Variants in USP33 observed in about 807,000 individuals in gnomAD.
The protein encoded by USP33 is ubiquitin specific peptidase 33.
USP33 carries 46 observed loss-of-function variants against 124.2 expected under a neutral mutation model. The ratio of observed to expected loss-of-function variants is 0.37; its 90% CI spans 0.29 to 0.47. The LOEUF is 0.47. Among genes scored for constraint, USP33 ranks in the 20% least tolerant of loss-of-function variants. The pLI, the probability that USP33 is intolerant of heterozygous loss-of-function variation, is 0.99. For missense variants in USP33, 851 were observed against 1,070.6 expected (o/e 0.79, Z 2.86); for synonymous variants, 350 against 352.3 (o/e 0.99, Z 0.07).
Position 77,723,338 on chromosome 1 carries a change from C to T in USP33, c.1382G>A (p.Cys461Tyr). ...TIISSVQCLT[C>Y]DRVSVTLETF... ...TAATACCCTCATACTCACCCTGTCA[C>T]AAGTCAGACACTGCACTGAACTAAT... The change falls in exon 12 of 24, where the codon TGT becomes TAT. Residue 461 changes from cysteine to tyrosine, a missense_variant. Cys to Tyr is a radical substitution (Grantham distance 194, BLOSUM62 -2). Transcript: ENST00000370794. 6.2e-7 allele frequency: 1 copy of T among 1,606,354 alleles called. No homozygotes were observed.
chr1:77,739,529 T>C (rs1234267244), intron 4 of USP33, 112 bp from the exon 5 acceptor site: 13 of 1,006,796 alleles, frequency 1.3e-5, no homozygotes, highest in South Asian at 2.4e-5. Context: ...AGTAACAATA[T>C]ACTCAAAAGC....
intron 21 of USP33, among the ~76,000 whole-genome samples, chr1:77,707,460 T>G (rs965095521): frequency 1.3e-5 from 2 of 152,188 alleles, no homozygotes; most frequent in African/African-American, 4.8e-5. Flanking sequence ...CTGAGGATGA[T>G]CTCATCTCAA....
intron 14 of USP33, 101 bp downstream of exon 14, chr1:77,721,729 CT>C (rs1676581289): frequency 9.8e-7 from 1 of 1,017,942 alleles, no homozygotes; most frequent in African/African-American, 1.6e-5. Flanking sequence ...TACTATTAAG[CT>C]GTCTTAAAAC....
intron 11 of USP33, among the ~76,000 whole-genome samples, 170 bp from the exon 12 acceptor site, chr1:77,723,613 TAA>T (rs576922550): frequency 6.6e-6 from 1 of 152,164 alleles, no homozygotes; most frequent in Non-Finnish European, 1.5e-5. Flanking sequence ...GCATAAGTAT[TAA>T]AAAAATAAAA....
chr1:77,726,043 G>A (rs1421632231), intron 10 of USP33, among the ~76,000 whole-genome samples: 10 of 152,098 alleles, frequency 6.6e-5, no homozygotes, highest in East Asian at 1.9e-4. Flanking sequence ...TCCGCATCCT[G>A]GATTCAAGCG....
intron 21 of USP33, chr1:77,711,462 G>C (rs1675241468): frequency 4.4e-6 from 1 of 229,878 alleles, no homozygotes; most frequent in Non-Finnish European, 8.2e-6. Context: ...AGGAGGCAGA[G>C]GTTGCTGTGA....
intron 1 of USP33, among the ~76,000 whole-genome samples, chr1:77,758,976 A>G (rs1681064839): frequency 6.6e-6 from 1 of 152,192 alleles, no homozygotes; most frequent in Non-Finnish European, 1.5e-5. Flanking sequence ...ATCGTCCAAG[A>G]GCTCAACGTA....
At chr1:77,716,010 G>T in intron 17 of USP33, 142 bp from the exon 18 acceptor site, 2 of 850,704 alleles carry the variant, frequency 2.4e-6, no homozygotes, top group Non-Finnish European at 3.4e-6. Flanking sequence ...CAGTTTGCAC[G>T]CTTGCCACCA....
chr1:77,734,469 A>G, intron 6 of USP33, 53 bp from the exon 7 acceptor site: 2 of 1,106,872 alleles, frequency 1.8e-6, no homozygotes, highest in South Asian at 1.4e-5. Flanking sequence ...AAAATGACTC[A>G]ATTTTAGGGG....
chr1:77,724,844 T>A (rs1676979090), intron 11 of USP33, among the ~76,000 whole-genome samples: 1 of 151,980 alleles, frequency 6.6e-6, no homozygotes, highest in South Asian at 2.1e-4. Flanking sequence ...GATCACAAGG[T>A]CAGGAGTTCG....
intron 1 of USP33, among the ~76,000 whole-genome samples, chr1:77,757,359 C>T (rs180888331): frequency 9.3e-4 from 142 of 152,336 alleles, no homozygotes; most frequent in African/African-American, 3.2e-3. Flanking sequence ...ACTTAACCTT[C>T]TGAACATTTG....
intron 7 of USP33, among the ~76,000 whole-genome samples, chr1:77,731,914 G>A (rs944736865): frequency 6.6e-6 from 1 of 151,956 alleles, no homozygotes. Flanking sequence ...ACCAGCCTGG[G>A]CAACATAGCG....
chr1:77,710,032 C>T (rs940120475), intron 21 of USP33, among the ~76,000 whole-genome samples: 5 of 152,112 alleles, frequency 3.3e-5, no homozygotes, highest in African/African-American at 1.2e-4. Flanking sequence ...CCTCATCTGA[C>T]AATGAGAAAC....
chr1:77,715,690 T>G, intron 18 of USP33, 52 bp downstream of exon 18: 1 of 1,587,718 alleles, frequency 6.3e-7, no homozygotes, highest in Non-Finnish European at 8.6e-7. Flanking sequence ...AAGTCACTGA[T>G]AAGCCCAAAA....
rs1385932182 is a variant in USP33 at position 77,697,329 on chromosome 1, A to C, written c.2724T>G (p.Thr908=). ...LQAEEKIEVE[T]RSL ...TACATCCTAAAAATTACAAAGACCG[A>C]GTTTCTACTTCAATTTTTTCTTCTG... is the stretch of plus-strand genomic sequence containing the variant. The change falls in exon 24 of 24, where the codon ACT becomes ACG. Residue 908 remains threonine, a synonymous_variant. Transcript: ENST00000370794. 1 of 1,601,988 alleles carries C rather than the reference A, an allele frequency of 6.2e-7. No individual in the cohort carries two copies. The highest frequency in any genetic ancestry group is 8.5e-7 in the Non-Finnish European group (1 of 1,176,796).
intron 22 of USP33, among the ~76,000 whole-genome samples, chr1:77,698,233 T>G (rs1394224245): frequency 1.3e-5 from 2 of 148,434 alleles, no homozygotes; most frequent in Non-Finnish European, 3.0e-5. Flanking sequence ...CCGGCTAATT[T>G]TTGCTTTTTT....
Position 77,708,178 on chromosome 1 carries a change from T to C in USP33, c.2406+3569A>G, listed in dbSNP as rs148963043. 1.5e-3 allele frequency among the ~76,000 whole-genome samples: 223 copies of C among 152,358 alleles called. 2 individuals are homozygous for C. Among genetic ancestry groups the C allele is most frequent in the African/African-American group, 5.1e-3 (213 of 41,584 alleles). ...GTGCTCTATTATCTGTTAATGAACA[T>C]CATTTTCATGTATTCATATACTCCC... On this transcript the variant is annotated intron_variant, in intron 21 of 23. Coordinates refer to ENST00000370794, the MANE Select transcript of USP33 (RefSeq NM_201624.3).
intron 1 of USP33, among the ~76,000 whole-genome samples, chr1:77,744,184 G>A (rs1189195175): frequency 6.6e-6 from 1 of 151,346 alleles, no homozygotes; most frequent in African/African-American, 2.4e-5. Flanking sequence ...CAAAGGAATT[G>A]TGTTCGGAAC....
rs35656157 is a variant in USP33, at chr1:77,705,147, C to CA, written c.2407-3677dup. Among the ~76,000 whole-genome samples the CA allele has an allele frequency of 5.6e-3, 815 of 144,938 alleles. 9 individuals are homozygous for CA. Among genetic ancestry groups the CA allele is most frequent in the African/African-American group, 0.018 (702 of 38,776 alleles). On this transcript the variant is annotated intron_variant, in intron 21 of 23. Transcript: ENST00000370794. ...AAAAAAGGGGGGGGGCTGAATAAAA[C>CA]AAAAAAAACCCTAATATTATAGAAT...
Sources: allele counts gnomAD v4.1 joint callset (sites outside exome capture counted in the v4.1 genomes callset), GRCh38; gene constraint gnomAD v4.1.1; transcripts MANE v1.5; gene names NCBI Gene and HGNC (gene_info 2026-07-23, HGNC 2026-07-21).